Variants in ACTN2 observed in about 807,000 individuals in gnomAD.
ACTN2 encodes actinin alpha 2.
Under a neutral mutation model 113.8 loss-of-function variants are expected in ACTN2, and 39 were observed. That is an observed-to-expected ratio of 0.34 (90% confidence interval 0.27 to 0.45). The LOEUF (loss-of-function observed/expected upper bound fraction) is 0.45. Ranked by LOEUF, ACTN2 falls within the 20% of genes least tolerant of loss-of-function variation. ACTN2 has a pLI of 1.00. For missense variants in ACTN2, 992 were observed against 1,177.9 expected (o/e 0.84, Z 2.31); for synonymous variants, 429 against 444.1 (o/e 0.97, Z 0.43).
At chr1:236,736,792 C>A in intron 8 of ACTN2, 1 of 682,356 alleles carries the variant, frequency 1.5e-6, no homozygotes, top group South Asian at 1.9e-5. Context: ...TTCAGGGACC[C>A]AAGATCTTGG....
chr1:236,687,176 CT>C (rs1344076371), intron 1 of ACTN2, among the ~76,000 whole-genome samples: 5 of 152,144 alleles, frequency 3.3e-5, no homozygotes, highest in Admixed American at 2.6e-4. Flanking sequence ...CAGCCTCTCT[CT>C]TCCCCATTGA....
intron 20 of ACTN2, among the ~76,000 whole-genome samples, chr1:236,761,994 A>T (rs992135105): frequency 1.3e-5 from 2 of 152,210 alleles, no homozygotes; most frequent in African/African-American, 4.8e-5. Context: ...CTCCAACCCC[A>T]CTAAGAAACT....
intron 1 of ACTN2, among the ~76,000 whole-genome samples, chr1:236,695,959 G>C (rs1388255551): frequency 6.6e-6 from 1 of 152,154 alleles, no homozygotes. Flanking sequence ...TCTTAGAAAA[G>C]ACCTATATTT....
chr1:236,726,012 C>G lies in ACTN2; in HGVS notation c.528C>G (p.Phe176Leu). ...ATAGAAATGTGAACATTCAGAACTT[C>G]CATACTAGGTGAGCACCCAGGGCCC... ...APYRNVNIQNFHTSWKDGLGL... is the reference protein window; with the variant it reads ...APYRNVNIQNLHTSWKDGLGL... The change falls in exon 5 of 21, where the codon TTC (phenylalanine) becomes TTG (leucine). Residue 176 changes from phenylalanine (F) to leucine (L), a missense_variant. Coordinates refer to ENST00000366578, the MANE Select transcript of ACTN2 (RefSeq NM_001103.4). 1 of 1,613,970 alleles carries G rather than the reference C, an allele frequency of 6.2e-7. No homozygotes were observed. Among genetic ancestry groups the G allele is most frequent in the Non-Finnish European group, 8.5e-7 (1 of 1,179,856 alleles).
At position 236,753,971 on chromosome 1, in the gene ACTN2, G is replaced by A. The variant is rs138452803; in HGVS notation, c.1864G>A (p.Asp622Asn). ...GGTGAAGCAACTCGTGCCCATCCGC[G>A]ATCAATCCCTGCAGGAGGAGCTGGC... ...DKVKQLVPIR[D>N]QSLQEELARQ... Residue 622 changes from aspartate to asparagine, a missense_variant, in exon 16 of 21, where the codon GAT becomes AAT. By Grantham distance (23) the Asp-to-Asn change is conservative. Transcript: ENST00000366578. 264 of 1,612,072 alleles carry A rather than the reference G, an allele frequency of 1.6e-4. 1 individual carries two copies. In the African/African-American group the frequency reaches 2.8e-3, roughly 17 times the overall value.
chr1:236,750,943 G>A (rs145484634), intron 14 of ACTN2, among the ~76,000 whole-genome samples: 1 of 151,652 alleles, frequency 6.6e-6, no homozygotes, highest in Non-Finnish European at 1.5e-5. Context: ...AAAAAAATTA[G>A]CCAGGCATCA....
chr1:236,702,719 C>T lies in ACTN2; in HGVS notation c.127-15139C>T, dbSNP rs543258542. ...CAGGAACATTGGAAATGCCCAGCTT[C>T]TCTGTTTTTATTGCATATGTTAATC... On this transcript the variant is annotated intron_variant, in intron 1 of 20. Coordinates refer to ENST00000366578, the MANE Select transcript of ACTN2 (RefSeq NM_001103.4). 2.6e-5 allele frequency among the ~76,000 whole-genome samples: 4 copies of T among 152,288 alleles called. No homozygotes were observed. In the South Asian group the frequency reaches 6.2e-4, roughly 24 times the overall value.
chr1:236,721,302 A>G lies in ACTN2; in HGVS notation c.448+1111A>G, dbSNP rs532400189. Among the ~76,000 whole-genome samples the G allele has an allele frequency of 7.3e-4, 111 of 152,104 alleles. 1 individual carries two copies. Among genetic ancestry groups the G allele is most frequent in the Non-Finnish European group, 1.3e-3 (87 of 67,992 alleles). On this transcript the variant is annotated intron_variant, in intron 4 of 20. Coordinates refer to ENST00000366578, the MANE Select transcript of ACTN2 (RefSeq NM_001103.4). ...CAGCCTCCCAAAGTGCTGGGATTAC[A>G]GGCATGAGACTCTGGTCTTTTTAAG...
Position 236,717,035 on chromosome 1 carries a change from A to G in ACTN2, c.127-823A>G, listed in dbSNP as rs1248058528. ...TTTTTAGTAGAGACGGGGTTTTACC[A>G]TGTTGGTCAGGCTGGTCTCGAACTC... On this transcript the variant is annotated intron_variant, in intron 1 of 20. Transcript: ENST00000366578. Among the ~76,000 whole-genome samples, 13 of 147,986 alleles carry G rather than the reference A, an allele frequency of 8.8e-5. 1 individual carries two copies. Among genetic ancestry groups the G allele is most frequent in the Admixed American group, 8.2e-4 (12 of 14,582 alleles).
At chr1:236,721,631 G>A (rs548200980) in intron 4 of ACTN2, among the ~76,000 whole-genome samples, 3 of 152,180 alleles carry the variant, frequency 2.0e-5, no homozygotes, top group African/African-American at 7.2e-5. Context: ...GAAACAAGAG[G>A]CTTCCTAAAA....
intron 7 of ACTN2, among the ~76,000 whole-genome samples, chr1:236,732,207 A>G (rs1302738347): frequency 6.6e-6 from 1 of 152,062 alleles, no homozygotes; most frequent in African/African-American, 2.4e-5. Flanking sequence ...ATTACTGCAA[A>G]CTGGGCAGCC....
intron 1 of ACTN2, 126 bp downstream of exon 1, chr1:236,686,925 G>A: frequency 9.0e-7 from 1 of 1,107,494 alleles, no homozygotes; most frequent in South Asian, 3.5e-5. Context: ...GTGCTGTCCT[G>A]TGCCCTCGCA....
Position 236,726,023 on chromosome 1 carries a change from G to A in ACTN2, c.536+3G>A. ...AACATTCAGAACTTCCATACTAGGT[G>A]AGCACCCAGGGCCCCTGGTCCTTGT... On this transcript the variant is annotated splice_donor_region_variant and intron_variant, in intron 5 of 20. Coordinates refer to ENST00000366578, the MANE Select transcript of ACTN2 (RefSeq NM_001103.4). 1 of 1,613,172 alleles carries A rather than the reference G, an allele frequency of 6.2e-7. No homozygotes were observed. Among genetic ancestry groups the A allele is most frequent in the East Asian group, 2.2e-5 (1 of 44,880 alleles).
At chr1:236,757,771 T>G (rs1417960264) in intron 18 of ACTN2, 139 bp downstream of exon 18, 1 of 1,208,212 alleles carries the variant, frequency 8.3e-7, no homozygotes, top group African/African-American at 1.5e-5. Flanking sequence ...CAAAAGAAAA[T>G]AGCCACCAAA....
chr1:236,757,809 T>C (rs1659593921), intron 18 of ACTN2, among the ~76,000 whole-genome samples, 177 bp downstream of exon 18: 1 of 152,216 alleles, frequency 6.6e-6, no homozygotes. Flanking sequence ...TTGATGTTGC[T>C]CAAGGTGACA....
rs1659781063 is a variant in ACTN2 at position 236,764,026 on chromosome 1, G to A, written c.*1407G>A. On this transcript the variant is annotated 3_prime_UTR_variant, in exon 21 of 21. Transcript: ENST00000366578. The stretch of plus-strand genomic sequence containing the variant: ...AAACAGCAATTAAAGCATTACTAGA[G>A]AAGCAGTAACATGTCTGTTACCTAC... 1 of 152,160 alleles carries A rather than the reference G, an allele frequency of 6.6e-6. No individual in the cohort carries two copies. Among genetic ancestry groups the A allele is most frequent in the South Asian group, 2.1e-4 (1 of 4,828 alleles). The allele number at this position is 152,160 out of a possible 1,614,324, so 9.4% of individuals were successfully genotyped here.
chr1:236,735,943 G>T (rs184572863), intron 8 of ACTN2, among the ~76,000 whole-genome samples: 155 of 152,154 alleles, frequency 1.0e-3, no homozygotes, highest in East Asian at 5.8e-4. Flanking sequence ...TACTTTTAAT[G>T]CATTTCCTTT....
At chr1:236,724,838 C>CTTT (rs5781922) in intron 4 of ACTN2, among the ~76,000 whole-genome samples, 91 of 81,626 alleles carry the variant, frequency 1.1e-3, no homozygotes, top group African/African-American at 3.2e-3. Context: ...TGGGTTTTTC[C>CTTT]TTTTTTTTTT....
intron 17 of ACTN2, among the ~76,000 whole-genome samples, chr1:236,757,216 C>T (rs572871811): frequency 3.5e-4 from 49 of 140,406 alleles, no homozygotes; most frequent in South Asian, 7.4e-4. Flanking sequence ...TGCAGAGTGC[C>T]CGCTGCCACC....
Sources: gnomAD v4.1 joint callset for allele counts (sites outside exome capture counted in the v4.1 genomes callset) on GRCh38, gnomAD v4.1.1 for gene constraint, MANE v1.5 for transcripts, NCBI Gene and HGNC (gene_info 2026-07-23, HGNC 2026-07-21) for gene names.